The following LRP1B variants were observed in gnomAD, a reference collection of about 807,000 sequenced individuals.
LRP1B encodes the protein LDL receptor related protein 1B, also known as low-density lipoprotein receptor-related protein 1B.
In LRP1B, 217 loss-of-function variants were observed where a neutral mutation model predicts 556.6. The ratio of observed to expected loss-of-function variants is 0.39; its 90% confidence interval spans 0.35 to 0.44. The LOEUF (loss-of-function observed/expected upper bound fraction) is 0.44, where lower values mean the gene tolerates loss of function less well. Ranked by LOEUF, LRP1B falls within the 20% of genes least tolerant of loss-of-function variation. LRP1B has a pLI of 1.00. For synonymous variants in LRP1B, 2,047 were observed against 1,865.8 expected, an observed-to-expected ratio of 1.10 and a Z score of -2.50; for missense variants, 5,053 against 5,620.8, an observed-to-expected ratio of 0.90 and a Z score of 3.23.
intron 23 of LRP1B, among the ~76,000 whole-genome samples, chr2:140,895,480 G>C (rs1045529350): frequency 1.3e-5 from 2 of 150,854 alleles, no homozygotes; most frequent in African/African-American, 4.9e-5. Context: ...GCTCGCAGGG[G>C]CCAGAAGGAA....
At chr2:141,019,874 TTATC>T (rs1311151753) in intron 12 of LRP1B, 44 bp downstream of exon 12, 2 of 1,329,352 alleles carry the variant, frequency 1.5e-6, no homozygotes, top group Non-Finnish European at 1.0e-6. Flanking sequence ...AGAAACAAAT[TTATC>T]TATTATCATT....
chr2:141,226,761 C>T (rs1300880072), intron 6 of LRP1B, among the ~76,000 whole-genome samples: 1 of 151,990 alleles, frequency 6.6e-6, no homozygotes, highest in African/African-American at 2.4e-5. Context: ...AACACAGAGC[C>T]CATCGTATTC....
chr2:140,820,805 T>C (rs1373729824), intron 31 of LRP1B, among the ~76,000 whole-genome samples: 1 of 152,016 alleles, frequency 6.6e-6, no homozygotes, highest in Non-Finnish European at 1.5e-5. Flanking sequence ...GCTACGCATA[T>C]AGAAAAATTC....
chr2:140,864,028 G>C (rs1692875996), intron 27 of LRP1B, among the ~76,000 whole-genome samples: 1 of 151,654 alleles, frequency 6.6e-6, no homozygotes, highest in Non-Finnish European at 1.5e-5. Context: ...CTTGGCTTCA[G>C]ACTTCTGTTC....
chr2:140,849,200 CAAAAAAAAAAA>C lies in LRP1B; in HGVS notation c.4939+891_4939+901del, dbSNP rs70988447. ...TGAAACCCTGTATCTACTAAAAATA[CAAAAAAAAAAA>C]AAAAAAAAAAAAATAGCCAGGTGTG... On this transcript the variant is annotated intron_variant, in intron 29 of 90. Transcript: ENST00000389484. Among the ~76,000 whole-genome samples, 82 of 100,520 alleles carry C rather than the reference CAAAAAAAAAAA, an allele frequency of 8.2e-4. No individual in the cohort carries two copies. The East Asian group carries it at 0.011, about 13-fold the overall frequency. The allele number at this position is 100,520 out of a possible 152,430, so 65.9% of individuals were successfully genotyped here. A position where few individuals can be genotyped will look rare whatever the true frequency, so the allele number is the denominator to read the frequency against.
At chr2:141,209,360 T>C (rs534650399) in intron 6 of LRP1B, among the ~76,000 whole-genome samples, 1 of 152,248 alleles carries the variant, frequency 6.6e-6, no homozygotes, top group African/African-American at 2.4e-5. Flanking sequence ...TGCTAACATG[T>C]GAAGAAAGAT....
chr2:141,865,416 C>T (rs1215621656), intron 1 of LRP1B, among the ~76,000 whole-genome samples: 1 of 151,090 alleles, frequency 6.6e-6, no homozygotes, highest in Non-Finnish European at 1.5e-5. Context: ...AACGGTGAAA[C>T]CCCGTCTCTA....
At chr2:140,328,499 AAAC>A (rs1163431079) in intron 79 of LRP1B, among the ~76,000 whole-genome samples, 3 of 151,938 alleles carry the variant, frequency 2.0e-5, no homozygotes, top group African/African-American at 7.2e-5. Flanking sequence ...AAAATGAAGA[AAAC>A]AAAATATTAT....
chr2:141,616,025 T>G (rs1248768548), intron 2 of LRP1B, among the ~76,000 whole-genome samples: 2 of 152,196 alleles, frequency 1.3e-5, no homozygotes, highest in Admixed American at 6.5e-5. Flanking sequence ...GGCTCACGCC[T>G]GTAATCCCAG....
At chr2:140,958,991 GAGA>G (rs527995819) in intron 18 of LRP1B, among the ~76,000 whole-genome samples, 11 of 149,752 alleles carry the variant, frequency 7.3e-5, no homozygotes, top group African/African-American at 2.4e-4. Flanking sequence ...GTGTTTGAAG[GAGA>G]AGGACAGCAG....
At chr2:141,155,590 C>T (rs1322354937) in intron 7 of LRP1B, among the ~76,000 whole-genome samples, 1 of 151,648 alleles carries the variant, frequency 6.6e-6, no homozygotes, top group Non-Finnish European at 1.5e-5. Context: ...AACCAAAACA[C>T]ATATCCTTCT....
intron 2 of LRP1B, among the ~76,000 whole-genome samples, chr2:141,532,823 T>C (rs1254888592): frequency 6.6e-6 from 1 of 152,014 alleles, no homozygotes; most frequent in Non-Finnish European, 1.5e-5. Flanking sequence ...CCGTCTCTAC[T>C]AAAAATACAA....
At chr2:140,962,593 A>T (rs1310531069) in intron 18 of LRP1B, among the ~76,000 whole-genome samples, 2 of 152,172 alleles carry the variant, frequency 1.3e-5, no homozygotes, top group Non-Finnish European at 2.9e-5. Context: ...AAGTTACACC[A>T]CGACTGCCTT....
chr2:141,884,186 A>AC (rs1168416462), intron 1 of LRP1B, among the ~76,000 whole-genome samples: 1 of 151,556 alleles, frequency 6.6e-6, no homozygotes, highest in African/African-American at 2.4e-5. Flanking sequence ...ACCAGCCTGG[A>AC]CAACAGAGAT....
intron 16 of LRP1B, chr2:140,992,595 A>T (rs1997080): frequency 0.56 from 84,835 of 151,944 alleles, 24,921 homozygotes; most frequent in Non-Finnish European, 0.65. Context: ...ACTTAGTTAC[A>T]AATCAAACTC....
intron 2 of LRP1B, among the ~76,000 whole-genome samples, chr2:141,784,087 A>C (rs1017785528): frequency 2.0e-5 from 3 of 151,960 alleles, no homozygotes; most frequent in African/African-American, 7.2e-5. Flanking sequence ...GTACTTTAAA[A>C]GTGATTATGT....
At chr2:141,355,352 A>G (rs1688588639) in intron 3 of LRP1B, among the ~76,000 whole-genome samples, 1 of 152,044 alleles carries the variant, frequency 6.6e-6, no homozygotes, top group South Asian at 2.1e-4. Context: ...AAAGTGTACA[A>G]TTCCCTGGTT....
At chr2:140,861,705 C>G (rs951415533) in intron 27 of LRP1B, among the ~76,000 whole-genome samples, 3 of 152,132 alleles carry the variant, frequency 2.0e-5, no homozygotes, top group African/African-American at 7.2e-5. Flanking sequence ...AATGTCAGAC[C>G]TATTTAGGAT....
rs1574119903 is a variant in LRP1B, at chr2:141,596,108, T to C, written c.206-115575A>G. Among the ~76,000 whole-genome samples, 4 of 152,082 alleles carry C rather than the reference T, an allele frequency of 2.6e-5. No individual in the cohort carries two copies. In the South Asian group the frequency reaches 8.3e-4, roughly 32 times the overall value. On this transcript the variant is annotated intron_variant, in intron 2 of 90. Transcript: ENST00000389484. ...GGATACCAACAGATATAGCGAACCA[T>C]GGCAAACCTTTTGTTTATATTTTCT... is the stretch of plus-strand genomic sequence containing the variant.
Sources: gnomAD v4.1 joint callset for allele counts (sites outside exome capture counted in the v4.1 genomes callset) on GRCh38, gnomAD v4.1.1 for gene constraint, MANE v1.5 for transcripts, NCBI Gene and HGNC (gene_info 2026-07-23, HGNC 2026-07-21) for gene names.